ACTN3: variants seen among roughly 807,000 people sequenced by gnomAD.
ACTN3 encodes the protein alpha-actinin-3.
In ACTN3, 91 loss-of-function variants were observed where a neutral mutation model predicts 119.6. The ratio of observed to expected loss-of-function variants is 0.76; its 90% CI spans 0.64 to 0.91. The LOEUF (loss-of-function observed/expected upper bound fraction) is 0.91. ACTN3 is among the 40% of genes least tolerant of loss of function. The probability of loss-of-function intolerance (pLI) is 0.00; values close to 1 mark genes in which losing one functional copy is unlikely to be tolerated. For synonymous variants in ACTN3, 456 were observed against 478.8 expected (o/e 0.95, Z 0.62); for missense variants, 1,221 against 1,215.1 (o/e 1.00, Z -0.07).
intron 9 of ACTN3, 103 bp from the exon 10 acceptor site, chr11:66,557,596 C>T (rs1445918097): frequency 2.4e-6 from 3 of 1,244,010 alleles, no homozygotes; most frequent in Non-Finnish European, 3.4e-6. Flanking sequence ...AAAGTCACCC[C>T]CACCTACACT....
chr11:66,560,705 A>G lies in ACTN3; in HGVS notation c.1810A>G (p.Asn604Asp). The G allele has an allele frequency of 1.2e-6, 2 of 1,613,852 alleles. No homozygotes were observed. The highest frequency in any genetic ancestry group is 1.7e-6 in the Non-Finnish European group (2 of 1,179,838). Residue 604 changes from asparagine to aspartate, a missense_variant, in exon 15 of 21, where the codon AAT becomes GAT. Around this residue, in one of 3 missense-constraint regions of ACTN3, gnomAD observed 934 missense variants for 899.9 expected, o/e 1.04. Transcript: ENST00000513398. ...QTYGLRPCST[N>D]PYITLSPQDI... Reference sequence around the variant, plus strand: ...GTATGGGCTGCGGCCCTGCTCCACCAATCCCTACATCACCCTCAGCCCGCA... The same window carrying G: ...GTATGGGCTGCGGCCCTGCTCCACCGATCCCTACATCACCCTCAGCCCGCA...
chr11:66,554,706 C>T, intron 5 of ACTN3, 83 bp downstream of exon 5: 1 of 1,173,682 alleles, frequency 8.5e-7, no homozygotes, highest in Non-Finnish European at 1.2e-6. Context: ...CAGTGAAGGG[C>T]ACTGAGCTGG....
At chr11:66,561,950 C>A in intron 17 of ACTN3, 72 bp from the exon 18 acceptor site, 1 of 1,532,860 alleles carries the variant, frequency 6.5e-7, no homozygotes, top group South Asian at 1.2e-5. Flanking sequence ...ATTCAGTGAA[C>A]TGGATGTGGA....
intron 1 of ACTN3, among the ~76,000 whole-genome samples, chr11:66,550,318 C>T (rs117533632): frequency 0.041 from 6,205 of 152,254 alleles, 209 homozygotes; most frequent in Non-Finnish European, 0.053. Flanking sequence ...ACCTGAAGGG[C>T]GGTAGGTTGG....
At chr11:66,557,053 G>C in intron 8 of ACTN3, 80 bp from the exon 9 acceptor site, 2 of 1,306,532 alleles carry the variant, frequency 1.5e-6, no homozygotes, top group Non-Finnish European at 2.1e-6. Context: ...GAGCCACCGC[G>C]CTCGGCGGGG....
chr11:66,561,388 C>T, intron 16 of ACTN3, 27 bp downstream of exon 16: 2 of 1,607,270 alleles, frequency 1.2e-6, no homozygotes, highest in South Asian at 1.1e-5. Context: ...TGGGTCCAAC[C>T]TGGGGGGATG....
intron 14 of ACTN3, 102 bp downstream of exon 14, chr11:66,560,413 A>G: frequency 4.7e-6 from 7 of 1,498,022 alleles, no homozygotes; most frequent in Non-Finnish European, 6.3e-6. Flanking sequence ...GATGGGAGGA[A>G]AACCCCAGTT....
Position 66,560,232 on chromosome 11 carries a change from C to T in ACTN3, c.1598C>T (p.Ala533Val), listed in dbSNP as rs372101780. 74 of 1,612,382 alleles carry T rather than the reference C, an allele frequency of 4.6e-5. No homozygotes were observed. In the Middle Eastern group the frequency reaches 6.6e-4, roughly 14 times the overall value. Residue 533 changes from alanine (A) to valine (V), a missense_variant, in exon 14 of 21, where the codon GCG becomes GTG. Around this residue, in one of 3 missense-constraint regions of ACTN3, gnomAD observed 934 missense variants for 899.9 expected, o/e 1.04. Transcript: ENST00000513398. ...RLQLEFARRAAPFNNWLDGAV... is the reference protein window; with the variant it reads ...RLQLEFARRAVPFNNWLDGAV... ...CAACTGGAGTTTGCCCGGCGGGCCG[C>T]GCCCTTCAACAACTGGCTGGATGGT...
Position 66,559,377 on chromosome 11 carries a change from A to C in ACTN3, c.1418A>C (p.Gln473Pro). 6.5e-7 allele frequency: 1 copy of C among 1,538,626 alleles called. No individual in the cohort carries two copies. Among genetic ancestry groups the C allele is most frequent in the Admixed American group, 2.2e-5 (1 of 44,934 alleles). ...DRVEHIAALA[Q>P]ELNELDYHEA... ...GTGGAGCACATTGCCGCGCTGGCCC[A>C]GGAGCTCAAGTAGGCGGGGCCTCGC... is the stretch of plus-strand genomic sequence containing the variant. The change falls in exon 12 of 21, where the codon CAG becomes CCG. Residue 473 changes from glutamine to proline, a missense_variant. Gln to Pro is a moderately conservative substitution (Grantham distance 76). Transcript: ENST00000513398.
rs567230237 is a variant in ACTN3, at chr11:66,552,389, A to G, written c.382+742A>G. Among the ~76,000 whole-genome samples, 6 of 151,998 alleles carry G rather than the reference A, an allele frequency of 3.9e-5. No individual in the cohort carries two copies. In the South Asian group the frequency reaches 1.2e-3, roughly 32 times the overall value. Reference sequence around the variant, plus strand: ...CGTCTCAAAAAAAAAAAAGAAAGAAAAGCCAATATACCCAAAGTGCCAGCT... The same window carrying G: ...CGTCTCAAAAAAAAAAAAGAAAGAAGAGCCAATATACCCAAAGTGCCAGCT... On this transcript the variant is annotated intron_variant, in intron 3 of 20. Coordinates refer to ENST00000513398, the MANE Select transcript of ACTN3 (RefSeq NM_001104.4).
chr11:66,562,368 C>T (rs1182382345), intron 19 of ACTN3, 46 bp downstream of exon 19: 3 of 1,592,186 alleles, frequency 1.9e-6, no homozygotes, highest in South Asian at 1.1e-5. Flanking sequence ...AGTACCCCCT[C>T]CTCTGTGCTG....
At chr11:66,548,254 C>T (rs933287234) in intron 1 of ACTN3, among the ~76,000 whole-genome samples, 5 of 152,014 alleles carry the variant, frequency 3.3e-5, no homozygotes, top group African/African-American at 1.2e-4. Context: ...GCTCCCCCTG[C>T]ACCTGTCTCC....
At position 66,558,122 on chromosome 11, in the gene ACTN3, C is replaced by G. The variant is rs1225367504; in HGVS notation, c.1224C>G (p.His408Gln). The G allele has an allele frequency of 1.2e-6, 2 of 1,613,924 alleles. No homozygotes were observed. The highest frequency in any genetic ancestry group is 4.5e-5 in the East Asian group (2 of 44,884). ...TCCGGCGCCTGCAGCGACTCCAGCACCTGGCTGAGAAGTTCCGGCAGAAGG... is the reference window on the plus strand; with the variant it reads ...TCCGGCGCCTGCAGCGACTCCAGCAGCTGGCTGAGAAGTTCCGGCAGAAGG... ...SEIRRLQRLQ[H>Q]LAEKFRQKAS... The change falls in exon 11 of 21, where the codon CAC becomes CAG. Residue 408 changes from histidine (H) to glutamine (Q), a missense_variant. Coordinates refer to ENST00000513398, the MANE Select transcript of ACTN3 (RefSeq NM_001104.4).
In ACTN3 at chr11:66,559,975, G is replaced by T. The variant is rs756312504; in HGVS notation, c.1435G>T (p.Asp479Tyr). Residue 479 changes from aspartate to tyrosine, a missense_variant, in exon 13 of 21, where the codon GAC becomes TAC. By Grantham distance (160) the Asp-to-Tyr change is radical. Transcript: ENST00000513398. The part of the protein sequence containing the change: ...AALAQELNEL[D>Y]YHEAASVNSR... ...CCTACTTCTCGCTCCCAGTGAGCTG[G>T]ACTACCACGAGGCAGCCTCAGTGAA... 3 of 1,595,590 alleles carry T rather than the reference G, an allele frequency of 1.9e-6. No homozygotes were observed. Among genetic ancestry groups the T allele is most frequent in the Non-Finnish European group, 2.6e-6 (3 of 1,173,076 alleles).
At position 66,559,219 on chromosome 11, in the gene ACTN3, G is replaced by A; in HGVS notation, c.1277-17G>A. The A allele has an allele frequency of 6.8e-7, 1 of 1,478,082 alleles. No individual in the cohort carries two copies. 91.6% of individuals were successfully genotyped at this position (1,478,082 alleles called of 1,614,324 possible). On this transcript the variant is annotated splice_polypyrimidine_tract_variant and intron_variant, in intron 11 of 20. Transcript: ENST00000513398. The stretch of plus-strand genomic sequence containing the variant: ...CTGCCGCCACTGGGTGACCGGAGCC[G>A]GCATCTCTTTGAGCAGGAAAGGAGG...
chr11:66,557,008 G>A lies in ACTN3; in HGVS notation c.805-125G>A, dbSNP rs1010444409. 13 of 715,796 alleles carry A rather than the reference G, an allele frequency of 1.8e-5. 2 individuals carry two copies. Among genetic ancestry groups the A allele is most frequent in the East Asian group, 1.7e-4 (6 of 35,126 alleles). 44.3% of individuals were successfully genotyped at this position (715,796 alleles called of 1,614,324 possible). A position where few individuals can be genotyped will look rare whatever the true frequency, so the allele number is the denominator to read the frequency against. On this transcript the variant is annotated intron_variant, in intron 8 of 20. Coordinates refer to ENST00000513398, the MANE Select transcript of ACTN3 (RefSeq NM_001104.4). ...GATCTCCTGACCTCGTGATCCGCCC[G>A]CCTCGGCCTCCCAAACTGCTGGGAT...
At chr11:66,560,354 G>T in intron 14 of ACTN3, 43 bp downstream of exon 14, 1 of 1,584,218 alleles carries the variant, frequency 6.3e-7, no homozygotes, top group Non-Finnish European at 8.6e-7. Context: ...TGACAGGAAA[G>T]CTGGCCCCAA....
chr11:66,554,204 G>C, intron 4 of ACTN3, 73 bp downstream of exon 4: 1 of 1,332,716 alleles, frequency 7.5e-7, no homozygotes, highest in Admixed American at 1.8e-5. Flanking sequence ...TTGGGAGGTC[G>C]AGGCGGGCAG....
chr11:66,546,927 G>A lies in ACTN3; in HGVS notation c.-11G>A. On this transcript the variant is annotated 5_prime_UTR_variant, in exon 1 of 21. Coordinates refer to ENST00000513398, the MANE Select transcript of ACTN3 (RefSeq NM_001104.4). ...CGTGCCGAGCGGAGCGAAGCCAGGA[G>A]CCCGATCGAGATGATGATGGTTATG... is the stretch of plus-strand genomic sequence containing the variant. 1 of 1,536,958 alleles carries A rather than the reference G, an allele frequency of 6.5e-7. No individual in the cohort carries two copies. The highest frequency in any genetic ancestry group is 8.7e-7 in the Non-Finnish European group (1 of 1,145,826).
Sources: allele counts gnomAD v4.1 joint callset (sites outside exome capture counted in the v4.1 genomes callset), GRCh38; gene constraint gnomAD v4.1.1; regional missense constraint gnomAD v4.1.1; transcripts MANE v1.5; gene names NCBI Gene and HGNC (gene_info 2026-07-23, HGNC 2026-07-21).